The following CTNND1 variants were observed in gnomAD, a reference collection of about 807,000 sequenced individuals.
The protein encoded by CTNND1 is catenin delta-1.
A neutral mutation model predicts 112.1 loss-of-function variants in CTNND1; 16 were observed. The observed-to-expected ratio is 0.14, with a 90% CI of 0.10 to 0.22. The LOEUF is 0.22. Ranked by LOEUF, CTNND1 falls within the 10% of genes least tolerant of loss-of-function variation. CTNND1 has a pLI of 1.00. For missense variants in CTNND1, 1,008 were observed against 1,257.0 expected, an observed-to-expected ratio of 0.80 and a Z score of 3.00; for synonymous variants, 420 against 446.5, an observed-to-expected ratio of 0.94 and a Z score of 0.75.
At position 57,761,857 on chromosome 11, in the gene CTNND1, T is replaced by A. The variant is rs1467307935; in HGVS notation, c.-476T>A. On this transcript the variant is annotated 5_prime_UTR_variant, in exon 1 of 21. Coordinates refer to ENST00000399050, the MANE Select transcript of CTNND1 (RefSeq NM_001085458.2). ...GCCTTTGGCTGGGTGCAACTTCCATTTTAGGTGTTGGATCTGAGGGGGAAA... is the reference window on the plus strand; with the variant it reads ...GCCTTTGGCTGGGTGCAACTTCCATATTAGGTGTTGGATCTGAGGGGGAAA... 2.0e-6 allele frequency: 2 copies of A among 984,832 alleles called. No homozygotes were observed. Among genetic ancestry groups the A allele is most frequent in the African/African-American group, 1.8e-5 (1 of 57,038 alleles). 61.0% of individuals were successfully genotyped at this position (984,832 alleles called of 1,614,324 possible).
At chr11:57,767,034 C>T (rs1422164451) in intron 1 of CTNND1, among the ~76,000 whole-genome samples, 2 of 151,246 alleles carry the variant, frequency 1.3e-5, no homozygotes, top group Admixed American at 6.6e-5. Context: ...TGCAGTGGCA[C>T]GATCTCAGCT....
chr11:57,767,692 T>C (rs1343419568), intron 1 of CTNND1, among the ~76,000 whole-genome samples: 1 of 782 alleles, frequency 1.3e-3, no homozygotes, highest in African/African-American at 1.7e-3. Flanking sequence ...AACCATCTTA[T>C]AGATTGTTGT....
At chr11:57,806,692 G>A in intron 11 of CTNND1, 1 of 631,336 alleles carries the variant, frequency 1.6e-6, no homozygotes, top group Non-Finnish European at 2.8e-6. Context: ...CAGGACAATA[G>A]CATCAACAGT....
intron 12 of CTNND1, 37 bp from the exon 13 acceptor site, chr11:57,808,128 G>T: frequency 6.3e-7 from 1 of 1,596,046 alleles, no homozygotes; most frequent in Non-Finnish European, 8.6e-7. Context: ...TATTGGTACT[G>T]ATTAGCACCC....
intron 1 of CTNND1, among the ~76,000 whole-genome samples, chr11:57,776,226 G>T (rs1262872900): frequency 6.6e-6 from 1 of 152,174 alleles, no homozygotes; most frequent in East Asian, 1.9e-4. Flanking sequence ...AGTTTGAACT[G>T]AGGTCTCAGG....
chr11:57,809,191 A>G, intron 14 of CTNND1, 83 bp from the exon 15 acceptor site: 1 of 963,362 alleles, frequency 1.0e-6, no homozygotes, highest in Non-Finnish European at 1.6e-6. Context: ...TACACTTGAT[A>G]TGATTAATGC....
At chr11:57,786,593 G>A (rs1248565820) in intron 1 of CTNND1, among the ~76,000 whole-genome samples, 1 of 152,148 alleles carries the variant, frequency 6.6e-6, no homozygotes, top group Non-Finnish European at 1.5e-5. Flanking sequence ...GGCTGGACTT[G>A]TAATTACGAC....
At chr11:57,815,273 T>G (rs1454361412) in intron 18 of CTNND1, 121 bp from the exon 19 acceptor site, 1 of 607,576 alleles carries the variant, frequency 1.6e-6, no homozygotes, top group Non-Finnish European at 2.8e-6. Flanking sequence ...TTAATGCCTT[T>G]GTGGAGCATT....
intron 1 of CTNND1, among the ~76,000 whole-genome samples, chr11:57,766,566 C>G (rs1180495422): frequency 6.6e-6 from 1 of 152,158 alleles, no homozygotes; most frequent in Non-Finnish European, 1.5e-5. Flanking sequence ...GGTTAAATGA[C>G]ACACAAAGCT....
intron 19 of CTNND1, 65 bp downstream of exon 19, chr11:57,815,565 G>T: frequency 3.8e-6 from 5 of 1,312,620 alleles, no homozygotes; most frequent in Non-Finnish European, 5.5e-6. Context: ...TATGTGTTTT[G>T]TGAAACACAA....
At chr11:57,795,461 T>C (rs2061263189) in intron 4 of CTNND1, 116 bp from the exon 5 acceptor site, 1 of 1,118,166 alleles carries the variant, frequency 8.9e-7, no homozygotes, top group Non-Finnish European at 1.3e-6. Context: ...CTGAGGCCTA[T>C]AGAAGATGCA....
intron 1 of CTNND1, among the ~76,000 whole-genome samples, chr11:57,770,602 G>A (rs1300078698): frequency 3.3e-5 from 5 of 151,522 alleles, no homozygotes; most frequent in Middle Eastern, 3.4e-3. Flanking sequence ...GCAATGAGCC[G>A]AAATCGCGCC....
At chr11:57,805,429 GA>G (rs1476177651) in intron 9 of CTNND1, among the ~76,000 whole-genome samples, 2 of 151,750 alleles carry the variant, frequency 1.3e-5, no homozygotes, top group Admixed American at 6.6e-5. Context: ...TTTTAGTAGA[GA>G]CAGGGTTTCA....
At chr11:57,809,517 G>A in intron 15 of CTNND1, 51 bp downstream of exon 15, 1 of 1,507,542 alleles carries the variant, frequency 6.6e-7, no homozygotes. Context: ...TGAGTGGAGA[G>A]TTGTTTTCCT....
intron 1 of CTNND1, among the ~76,000 whole-genome samples, chr11:57,780,894 G>C (rs2059502235): frequency 6.6e-6 from 1 of 152,188 alleles, no homozygotes; most frequent in South Asian, 2.1e-4. Flanking sequence ...AAAGAGGTGG[G>C]GGAATGCCAT....
intron 1 of CTNND1, among the ~76,000 whole-genome samples, chr11:57,768,460 C>T (rs1457433741): frequency 4.2e-5 from 6 of 141,418 alleles, no homozygotes; most frequent in Non-Finnish European, 9.0e-5. Context: ...GTGGCGCGAT[C>T]TCGGCTCACT....
At position 57,795,760 on chromosome 11, in the gene CTNND1, T is replaced by C. The variant is rs2061291151; in HGVS notation, c.420+31T>C. On this transcript the variant is annotated intron_variant, in intron 5 of 20. Transcript: ENST00000399050. ...CTAAGACGTGTGTAAGATCTGGAAG[T>C]GATAAGAGGTCTTTTCTTCTCTATT... The C allele has an allele frequency of 2.6e-6, 4 of 1,543,556 alleles. No homozygotes were observed. In the Admixed American group the frequency reaches 9.1e-5, roughly 35 times the overall value.
intron 1 of CTNND1, among the ~76,000 whole-genome samples, chr11:57,762,519 T>G (rs1266963600): frequency 6.6e-6 from 1 of 152,234 alleles, no homozygotes; most frequent in Non-Finnish European, 1.5e-5. Context: ...TTTAAAACTT[T>G]TTTTTTCTTT....
intron 1 of CTNND1, among the ~76,000 whole-genome samples, chr11:57,766,974 C>CT (rs779955741): frequency 0.033 from 4,584 of 140,064 alleles, 104 homozygotes; most frequent in Admixed American, 0.064. Context: ...ATTTTCTTAT[C>CT]TTTTTTTTTT....
Sources: gnomAD v4.1 joint callset for allele counts (sites outside exome capture counted in the v4.1 genomes callset) on GRCh38, gnomAD v4.1.1 for gene constraint, MANE v1.5 for transcripts, NCBI Gene and HGNC (gene_info 2026-07-23, HGNC 2026-07-21) for gene names.